Variants in CREB5 observed in about 807,000 individuals in gnomAD.
CREB5 encodes cAMP responsive element binding protein 5.
In CREB5, 19 loss-of-function variants were observed where a neutral mutation model predicts 57.1. That is an observed-to-expected ratio of 0.33 (90% CI 0.23 to 0.49). The LOEUF (loss-of-function observed/expected upper bound fraction) is 0.49, where lower values mean the gene tolerates loss of function less well. CREB5 is among the 20% of genes least tolerant of loss of function. CREB5 has a pLI of 0.99. For missense variants in CREB5, 579 were observed against 671.6 expected (o/e 0.86, Z 1.52); for synonymous variants, 238 against 238.3 (o/e 1.00, Z 0.01).
chr7:28,526,190 T>C (rs1793442327), intron 4 of CREB5, among the ~76,000 whole-genome samples: 1 of 152,236 alleles, frequency 6.6e-6, no homozygotes, highest in African/African-American at 2.4e-5. Flanking sequence ...CTATGATCCA[T>C]ACTGAGCAGG....
chr7:28,329,343 G>A (rs773773622), intron 1 of CREB5, among the ~76,000 whole-genome samples: 2 of 152,188 alleles, frequency 1.3e-5, no homozygotes, highest in African/African-American at 2.4e-5. Context: ...GGTAGAGGCT[G>A]TGTTTGCATT....
At chr7:28,716,668 A>G (rs1412440100) in intron 5 of CREB5, among the ~76,000 whole-genome samples, 3 of 152,232 alleles carry the variant, frequency 2.0e-5, no homozygotes, top group African/African-American at 4.8e-5. Flanking sequence ...TCTATTCAGT[A>G]AAGTTCCCAA....
Position 28,535,710 on chromosome 7 carries a change from G to GA in CREB5, c.291+27976dup, listed in dbSNP as rs961466512. ...GAAGGAAAAAGGAAGAGAAGTAATG[G>GA]AAAGGAGAAAAGAAGGAAGAAAGGG... is the stretch of plus-strand genomic sequence containing the variant. On this transcript the variant is annotated intron_variant, in intron 4 of 10. Coordinates refer to ENST00000357727, the MANE Select transcript of CREB5 (RefSeq NM_182898.4). 3.9e-5 allele frequency among the ~76,000 whole-genome samples: 6 copies of GA among 152,174 alleles called. No individual in the cohort carries two copies. In the East Asian group the frequency reaches 5.8e-4, roughly 15 times the overall value.
At chr7:28,661,870 A>C (rs1317408597) in intron 5 of CREB5, among the ~76,000 whole-genome samples, 1 of 152,260 alleles carries the variant, frequency 6.6e-6, no homozygotes, top group Non-Finnish European at 1.5e-5. Flanking sequence ...AATTGTAAAC[A>C]TTATAAATGA....
chr7:28,437,422 C>T (rs80170575), intron 1 of CREB5, among the ~76,000 whole-genome samples: 3 of 152,274 alleles, frequency 2.0e-5, no homozygotes, highest in East Asian at 3.9e-4. Flanking sequence ...AGAGAGATCA[C>T]CATTTCATTT....
At chr7:28,331,925 T>C (rs1366402097) in intron 1 of CREB5, among the ~76,000 whole-genome samples, 1 of 152,062 alleles carries the variant, frequency 6.6e-6, no homozygotes, top group Non-Finnish European at 1.5e-5. Flanking sequence ...AGTCGAATGA[T>C]GACCCTCCCC....
intron 7 of CREB5, among the ~76,000 whole-genome samples, chr7:28,757,766 G>A (rs1372917689): frequency 6.6e-6 from 1 of 152,114 alleles, no homozygotes; most frequent in Non-Finnish European, 1.5e-5. Context: ...CTGGGGACCA[G>A]AAGTGTTTCA....
At chr7:28,761,741 T>C (rs1805670337) in intron 7 of CREB5, among the ~76,000 whole-genome samples, 1 of 152,038 alleles carries the variant, frequency 6.6e-6, no homozygotes, top group Non-Finnish European at 1.5e-5. Flanking sequence ...TGTGTGTGTG[T>C]GTGTGTGTGT....
rs199552819 is a variant in CREB5, at chr7:28,659,217, T to G, written c.465-59536T>G. ...AGTAAAGTCTTTGCAGGCAATTATT[T>G]CGTATCTGGAAAGTCCCTCTCAGCA... is the stretch of plus-strand genomic sequence containing the variant. On this transcript the variant is annotated intron_variant, in intron 5 of 10. Coordinates refer to ENST00000357727, the MANE Select transcript of CREB5 (RefSeq NM_182898.4). Among the ~76,000 whole-genome samples, 3 of 151,926 alleles carry G rather than the reference T, an allele frequency of 2.0e-5. No individual in the cohort carries two copies. The East Asian group carries it at 5.8e-4, about 29-fold the overall frequency.
chr7:28,815,516 G>T (rs1187426500), intron 9 of CREB5, among the ~76,000 whole-genome samples: 1 of 152,156 alleles, frequency 6.6e-6, no homozygotes, highest in Non-Finnish European at 1.5e-5. Context: ...CACCACATGT[G>T]CTGACTAGTG....
At chr7:28,638,174 A>T (rs923615803) in intron 5 of CREB5, among the ~76,000 whole-genome samples, 3 of 151,872 alleles carry the variant, frequency 2.0e-5, no homozygotes, top group African/African-American at 7.3e-5. Flanking sequence ...CGGACTAAGA[A>T]TTTTTAATAT....
intron 5 of CREB5, among the ~76,000 whole-genome samples, chr7:28,577,803 T>G (rs1795958919): frequency 6.6e-6 from 1 of 152,228 alleles, no homozygotes. Flanking sequence ...AATTTAATTT[T>G]GTAAACTACT....
intron 1 of CREB5, among the ~76,000 whole-genome samples, chr7:28,460,469 C>G (rs1379929125): frequency 6.6e-6 from 1 of 152,098 alleles, no homozygotes; most frequent in Non-Finnish European, 1.5e-5. Flanking sequence ...TGGTAACTGG[C>G]AGAACTAGAA....
chr7:28,556,605 T>C (rs4722819), intron 4 of CREB5, among the ~76,000 whole-genome samples: 62,718 of 152,000 alleles, frequency 0.41, 13,550 homozygotes, highest in African/African-American at 0.51. Context: ...ATGTGTATTA[T>C]GGATATACTG....
chr7:28,348,131 T>C (rs2127990018), intron 1 of CREB5, among the ~76,000 whole-genome samples: 2 of 152,208 alleles, frequency 1.3e-5, no homozygotes, highest in African/African-American at 4.8e-5. Flanking sequence ...CACTGGTCAA[T>C]CCAGAGGTTT....
At chr7:28,680,336 T>C (rs1286821083) in intron 5 of CREB5, among the ~76,000 whole-genome samples, 2 of 152,192 alleles carry the variant, frequency 1.3e-5, no homozygotes. Flanking sequence ...GCATAACTGC[T>C]CTGAGCCAGT....
intron 7 of CREB5, among the ~76,000 whole-genome samples, chr7:28,725,845 C>A (rs981501759): frequency 1.3e-5 from 2 of 151,974 alleles, no homozygotes; most frequent in Admixed American, 6.6e-5. Context: ...TTTGGAGGGA[C>A]CTTCCAGATA....
At chr7:28,554,894 G>A (rs745406565) in intron 4 of CREB5, among the ~76,000 whole-genome samples, 3 of 152,206 alleles carry the variant, frequency 2.0e-5, no homozygotes, top group Admixed American at 6.5e-5. Context: ...AATACAAGGA[G>A]AATCTTTCAT....
intron 1 of CREB5, among the ~76,000 whole-genome samples, chr7:28,403,675 G>C (rs1489028562): frequency 6.6e-6 from 1 of 152,156 alleles, no homozygotes; most frequent in Non-Finnish European, 1.5e-5. Flanking sequence ...TGAGCATGGA[G>C]CTGGGGGTCT....
Sources: allele counts gnomAD v4.1 joint callset (sites outside exome capture counted in the v4.1 genomes callset), GRCh38; gene constraint gnomAD v4.1.1; transcripts MANE v1.5; gene names NCBI Gene and HGNC (gene_info 2026-07-23, HGNC 2026-07-21).